The following RBMS3 variants were observed in gnomAD, a reference collection of about 807,000 sequenced individuals.
RBMS3 encodes RNA binding motif single stranded interacting protein 3, also known as RNA-binding motif, single-stranded-interacting protein 3.
Under a neutral mutation model 66.8 loss-of-function variants are expected in RBMS3, and 27 were observed. The ratio of observed to expected loss-of-function variants is 0.40; its 90% CI spans 0.30 to 0.56. The LOEUF (loss-of-function observed/expected upper bound fraction) is 0.56, where lower values mean the gene tolerates loss of function less well. Ranked by LOEUF, RBMS3 falls within the 20% of genes least tolerant of loss-of-function variation. The probability of loss-of-function intolerance (pLI) is 0.40; values close to 1 mark genes in which losing one functional copy is unlikely to be tolerated. For synonymous variants in RBMS3, 188 were observed against 183.0 expected, an observed-to-expected ratio of 1.03 and a Z score of -0.22; for missense variants, 513 against 549.5, an observed-to-expected ratio of 0.93 and a Z score of 0.66.
At chr3:29,598,761 C>T (rs2048048095) in intron 4 of RBMS3, among the ~76,000 whole-genome samples, 1 of 151,990 alleles carries the variant, frequency 6.6e-6, no homozygotes. Flanking sequence ...TCTAAGAGCA[C>T]AATCTGAGAA....
chr3:29,410,388 C>T (rs920964299), intron 1 of RBMS3, among the ~76,000 whole-genome samples: 18 of 152,192 alleles, frequency 1.2e-4, no homozygotes, highest in Admixed American at 4.6e-4. Flanking sequence ...TTGACACACA[C>T]CTGTGTCACT....
intron 6 of RBMS3, among the ~76,000 whole-genome samples, chr3:29,858,387 G>A (rs759649948): frequency 1.3e-4 from 20 of 152,170 alleles, no homozygotes; most frequent in Non-Finnish European, 2.5e-4. Flanking sequence ...TGGAGCCAAG[G>A]AGGAGGGAGG....
intron 1 of RBMS3, among the ~76,000 whole-genome samples, chr3:29,315,706 T>C (rs2034631905): frequency 6.6e-6 from 1 of 151,758 alleles, no homozygotes; most frequent in African/African-American, 2.4e-5. Flanking sequence ...ATTTTGATAA[T>C]ACAATCATGC....
chr3:29,534,603 A>C (rs1317688513), intron 3 of RBMS3, among the ~76,000 whole-genome samples: 1 of 152,234 alleles, frequency 6.6e-6, no homozygotes, highest in African/African-American at 2.4e-5. Flanking sequence ...TAAGATATTT[A>C]AGATGGCCTA....
chr3:29,841,196 T>C (rs2058655353), intron 6 of RBMS3, among the ~76,000 whole-genome samples: 1 of 151,978 alleles, frequency 6.6e-6, no homozygotes, highest in Non-Finnish European at 1.5e-5. Context: ...TGTGTATTTT[T>C]ATGTATTGAC....
chr3:29,386,700 A>G (rs980624094), intron 1 of RBMS3, among the ~76,000 whole-genome samples: 2 of 152,168 alleles, frequency 1.3e-5, no homozygotes, highest in Non-Finnish European at 2.9e-5. Flanking sequence ...TCTTGGCTCC[A>G]TTTCATTTTC....
chr3:29,524,611 A>AT (rs1457109640), intron 3 of RBMS3, among the ~76,000 whole-genome samples: 3 of 57,362 alleles, frequency 5.2e-5, no homozygotes, highest in Admixed American at 4.8e-4. Flanking sequence ...CATTTTATTT[A>AT]TTTATTTTTT....
At chr3:29,733,601 C>T (rs1417463968) in intron 4 of RBMS3, among the ~76,000 whole-genome samples, 1 of 151,946 alleles carries the variant, frequency 6.6e-6, no homozygotes, top group Non-Finnish European at 1.5e-5. Context: ...TTTTGATTTG[C>T]ATTTCCCTGA....
chr3:29,547,807 A>AT (rs3043400), intron 3 of RBMS3, among the ~76,000 whole-genome samples: 1,200 of 93,244 alleles, frequency 0.013, 19 homozygotes, highest in Non-Finnish European at 0.019. Flanking sequence ...TTGTGGATTG[A>AT]TTTTTTTTTT....
At chr3:29,745,712 C>G (rs892737590) in intron 5 of RBMS3, among the ~76,000 whole-genome samples, 2 of 152,096 alleles carry the variant, frequency 1.3e-5, no homozygotes, top group Non-Finnish European at 2.9e-5. Flanking sequence ...CGTGAGAGAC[C>G]ACTGAACAGA....
intron 6 of RBMS3, among the ~76,000 whole-genome samples, chr3:29,831,505 A>C (rs2058369002): frequency 6.6e-6 from 1 of 152,166 alleles, no homozygotes; most frequent in Admixed American, 6.6e-5. Context: ...AAATGTACAC[A>C]GTAAGAATTT....
In RBMS3 at chr3:29,728,679, A is replaced by C. The variant is rs567061745; in HGVS notation, c.400-11041A>C. ...AATATTAAGGATCACAGTTTACCAA[A>C]AGTTGTGCAGCCTGTTCTCTTTGGA... On this transcript the variant is annotated intron_variant, in intron 4 of 14. Coordinates refer to ENST00000383767, the MANE Select transcript of RBMS3 (RefSeq NM_001003793.3). Among the ~76,000 whole-genome samples the C allele has an allele frequency of 5.6e-4, 85 of 152,278 alleles. 3 individuals carry two copies. The South Asian group carries it at 0.017, about 31-fold the overall frequency.
chr3:29,544,541 C>T (rs1036406502), intron 3 of RBMS3, among the ~76,000 whole-genome samples: 1 of 152,014 alleles, frequency 6.6e-6, no homozygotes, highest in African/African-American at 2.4e-5. Flanking sequence ...TGTTACCTGT[C>T]TCAGTGGTAT....
chr3:29,411,251 A>C (rs1402034162), intron 1 of RBMS3, among the ~76,000 whole-genome samples: 1 of 152,220 alleles, frequency 6.6e-6, no homozygotes, highest in African/African-American at 2.4e-5. Flanking sequence ...GCATAAAAGT[A>C]ATGGTAATCT....
intron 3 of RBMS3, among the ~76,000 whole-genome samples, chr3:29,498,068 C>T (rs1231691038): frequency 8.0e-6 from 1 of 124,930 alleles, no homozygotes; most frequent in African/African-American, 3.0e-5. Flanking sequence ...GATCTCAGTT[C>T]ACCGCAACCT....
intron 2 of RBMS3, among the ~76,000 whole-genome samples, chr3:29,475,380 C>CT (rs1282761157): frequency 3.3e-5 from 5 of 151,884 alleles, no homozygotes; most frequent in Non-Finnish European, 7.4e-5. Context: ...TCTGGAGTAG[C>CT]TGGGACTACA....
At chr3:29,948,183 T>G (rs1464642930) in intron 12 of RBMS3, among the ~76,000 whole-genome samples, 1 of 151,754 alleles carries the variant, frequency 6.6e-6, no homozygotes, top group Non-Finnish European at 1.5e-5. Context: ...TAAGAAATTT[T>G]TAAATGTCTG....
At chr3:29,339,005 T>A (rs1265144448) in intron 1 of RBMS3, among the ~76,000 whole-genome samples, 1 of 152,150 alleles carries the variant, frequency 6.6e-6, no homozygotes, top group Non-Finnish European at 1.5e-5. Flanking sequence ...TTGTCATCTT[T>A]GCTAGCAGAC....
chr3:29,347,024 G>A (rs2036616899), intron 1 of RBMS3, among the ~76,000 whole-genome samples: 1 of 152,092 alleles, frequency 6.6e-6, no homozygotes, highest in South Asian at 2.1e-4. Flanking sequence ...TGTGAAGCCT[G>A]GTGGTAGGTT....
Sources: gnomAD v4.1 joint callset for allele counts (sites outside exome capture counted in the v4.1 genomes callset) on GRCh38, gnomAD v4.1.1 for gene constraint, MANE v1.5 for transcripts, NCBI Gene and HGNC (gene_info 2026-07-23, HGNC 2026-07-21) for gene names.